Variants in MYH10 observed in about 807,000 individuals in gnomAD.
The protein encoded by MYH10 is myosin heavy chain 10.
A neutral mutation model predicts 257.8 loss-of-function variants in MYH10; 55 were observed. That is an observed-to-expected ratio of 0.21 (90% confidence interval 0.17 to 0.27). MYH10 has a LOEUF of 0.27. MYH10 is among the 10% of genes least tolerant of loss of function. The pLI, the probability that MYH10 is intolerant of heterozygous loss-of-function variation, is 1.00. For synonymous variants in MYH10, 854 were observed against 921.7 expected (o/e 0.93, Z 1.33); for missense variants, 1,631 against 2,500.6 (o/e 0.65, Z 7.42).
intron 36 of MYH10, among the ~76,000 whole-genome samples, chr17:8,486,988 A>C (rs1914922191): frequency 6.6e-6 from 1 of 152,302 alleles, no homozygotes; most frequent in Non-Finnish European, 1.5e-5. Context: ...CCTATAGGTG[A>C]GGGCCCCCTG....
chr17:8,510,399 A>C (rs1160355315), intron 24 of MYH10, among the ~76,000 whole-genome samples: 2 of 152,192 alleles, frequency 1.3e-5, no homozygotes, highest in Non-Finnish European at 2.9e-5. Context: ...GCTAAAGTAC[A>C]AACTGGGTCA....
chr17:8,527,127 C>A (rs765402414), intron 17 of MYH10, among the ~76,000 whole-genome samples: 33 of 152,312 alleles, frequency 2.2e-4, no homozygotes, highest in Non-Finnish European at 4.1e-4. Flanking sequence ...CAGAAACGAT[C>A]TTCACATCAG....
chr17:8,515,798 C>T (rs2081450272), intron 21 of MYH10, among the ~76,000 whole-genome samples: 1 of 152,128 alleles, frequency 6.6e-6, no homozygotes, highest in Non-Finnish European at 1.5e-5. Flanking sequence ...CCCGCCTCGG[C>T]CTCCACAAGT....
At chr17:8,627,766 C>T (rs915308188) in intron 1 of MYH10, among the ~76,000 whole-genome samples, 1 of 152,166 alleles carries the variant, frequency 6.6e-6, no homozygotes, top group African/African-American at 2.4e-5. Context: ...ATACCATTGT[C>T]ATATATCACT....
intron 17 of MYH10, among the ~76,000 whole-genome samples, chr17:8,528,603 C>T (rs2081924442): frequency 6.6e-6 from 1 of 152,132 alleles, no homozygotes; most frequent in African/African-American, 2.4e-5. Flanking sequence ...TACACATGTA[C>T]TTAAGCACAT....
rs531817254 is a variant in MYH10 at position 8,492,396 on chromosome 17, C to G, written c.4572G>C (p.Glu1524Asp). 1.2e-6 allele frequency: 2 copies of G among 1,613,662 alleles called. No individual in the cohort carries two copies. The highest frequency in any genetic ancestry group is 2.2e-5 in the South Asian group (2 of 91,080). Residue 1524 changes from glutamate (E) to aspartate (D), a missense_variant, in exon 34 of 43, where the codon GAG (glutamate) becomes GAC (aspartate). By Grantham distance (45) the Glu-to-Asp change is conservative. Coordinates refer to ENST00000360416, the MANE Select transcript of MYH10 (RefSeq NM_001256012.3). ...TKALSLARAL[E>D]EALEAKEEFE... ...ACTCCTCCTTGGCCTCCAGGGCTTCCTCGAGGGCCCGGGCCAGTGACAGGG... is the reference window on the plus strand; with the variant it reads ...ACTCCTCCTTGGCCTCCAGGGCTTCGTCGAGGGCCCGGGCCAGTGACAGGG...
At chr17:8,617,541 T>C (rs2085314264) in intron 2 of MYH10, among the ~76,000 whole-genome samples, 2 of 152,294 alleles carry the variant, frequency 1.3e-5, no homozygotes, top group Middle Eastern at 6.8e-3. Context: ...TCCAACTAAA[T>C]CAGACATTAT....
rs1555570829 is a variant in MYH10, at chr17:8,489,708, A to AC, written c.4884+631_4884+632insG. Among the ~76,000 whole-genome samples, 156 of 93,146 alleles carry AC rather than the reference A, an allele frequency of 1.7e-3. 7 individuals are homozygous for AC. Among genetic ancestry groups the AC allele is most frequent in the South Asian group, 4.2e-3 (12 of 2,830 alleles). 61.1% of individuals were successfully genotyped at this position (93,146 alleles called of 152,430 possible). ...GACAGAGCGAGACTCCGTCTGAAAA[A>AC]ACACACACACACACACACACACACA... On this transcript the variant is annotated intron_variant, in intron 35 of 42. Coordinates refer to ENST00000360416, the MANE Select transcript of MYH10 (RefSeq NM_001256012.3).
At chr17:8,566,986 G>C (rs1476942880) in intron 7 of MYH10, among the ~76,000 whole-genome samples, 1 of 152,130 alleles carries the variant, frequency 6.6e-6, no homozygotes, top group Non-Finnish European at 1.5e-5. Context: ...GAGGGCTGGG[G>C]GTGGGGGAAA....
Position 8,495,159 on chromosome 17 carries a change from T to G in MYH10, c.4034A>C (p.Glu1345Ala). 1 of 1,611,004 alleles carries G rather than the reference T, an allele frequency of 6.2e-7. No individual in the cohort carries two copies. The highest frequency in any genetic ancestry group is 8.5e-7 in the Non-Finnish European group (1 of 1,177,188). The change falls in exon 31 of 43, where the codon GAG becomes GCG. Residue 1345 changes from glutamate to alanine, a missense_variant. Transcript: ENST00000360416. ...IKFAKDAASLESQLQDTQELL... is the reference protein window; with the variant it reads ...IKFAKDAASLASQLQDTQELL... Reference sequence around the variant, plus strand: ...TACCTGTGTATCCTGTAGTTGAGACTCAAGACTAGCTGCATCCTTAGCAAA... The same window carrying G: ...TACCTGTGTATCCTGTAGTTGAGACGCAAGACTAGCTGCATCCTTAGCAAA...
intron 1 of MYH10, among the ~76,000 whole-genome samples, chr17:8,628,958 A>C (rs2085786388): frequency 6.6e-6 from 1 of 152,228 alleles, no homozygotes; most frequent in African/African-American, 2.4e-5. Context: ...TATATCGCAC[A>C]ATTACACCAT....
At chr17:8,550,797 G>A (rs1279618148) in intron 9 of MYH10, among the ~76,000 whole-genome samples, 4 of 152,014 alleles carry the variant, frequency 2.6e-5, no homozygotes, top group Admixed American at 6.5e-5. Context: ...TCTGTACTAA[G>A]AAAACTTCTT....
rs531183483 is a variant in MYH10 at position 8,548,841 on chromosome 17, A to G, written c.920-54T>C. The G allele has an allele frequency of 6.8e-6, 10 of 1,472,220 alleles. No individual in the cohort carries two copies. The Admixed American group carries it at 6.8e-5, about 10-fold the overall frequency. The allele number at this position is 1,472,220 out of a possible 1,614,324, so 91.2% of individuals were successfully genotyped here. On this transcript the variant is annotated intron_variant, in intron 9 of 42. Transcript: ENST00000360416. ...TGATAAATACTCATGAAGACAACTA[A>G]GCCATAACTGCATTCAAACTGTGCC...
intron 16 of MYH10, among the ~76,000 whole-genome samples, chr17:8,534,699 G>T (rs2082093071): frequency 6.6e-6 from 1 of 152,238 alleles, no homozygotes; most frequent in Non-Finnish European, 1.5e-5. Flanking sequence ...CAGGGCTAAG[G>T]TCCTGCATGG....
chr17:8,539,958 A>C (rs1424630559), intron 14 of MYH10, among the ~76,000 whole-genome samples: 3 of 152,172 alleles, frequency 2.0e-5, no homozygotes, highest in African/African-American at 7.2e-5. Flanking sequence ...AAATAATTAA[A>C]AATGTAAACA....
At chr17:8,566,252 G>T (rs1597845398) in intron 7 of MYH10, among the ~76,000 whole-genome samples, 2 of 152,278 alleles carry the variant, frequency 1.3e-5, no homozygotes, top group African/African-American at 4.8e-5. Flanking sequence ...TCACTGTAAG[G>T]ATTCATAGTA....
intron 4 of MYH10, among the ~76,000 whole-genome samples, chr17:8,584,432 T>G (rs2083821494): frequency 6.6e-6 from 1 of 152,188 alleles, no homozygotes; most frequent in Admixed American, 6.5e-5. Flanking sequence ...CCTTGGGCCT[T>G]TTTTACAAGC....
intron 36 of MYH10, among the ~76,000 whole-genome samples, chr17:8,486,460 C>T (rs1019546851): frequency 2.7e-5 from 4 of 150,380 alleles, no homozygotes; most frequent in African/African-American, 7.4e-5. Context: ...GCCATGACTG[C>T]ACCACCATAC....
At position 8,506,478 on chromosome 17, in the gene MYH10, T is replaced by A; in HGVS notation, c.3226A>T (p.Lys1076Ter). The part of the protein sequence containing the change: ...MISDLEERLK[K>*]EEKTRQELEK... ...AGTTCCTGACGAGTCTTTTCTTCCT[T>A]CTTTAAGCGTTCTTTAAGGTAAGAC... is the stretch of plus-strand genomic sequence containing the variant. The change falls in exon 27 of 43, where the codon AAG becomes TAG. Residue 1076 changes from lysine (K) to a stop codon, truncating the protein, a stop_gained. Coordinates refer to ENST00000360416, the MANE Select transcript of MYH10 (RefSeq NM_001256012.3). LOFTEE classifies it high-confidence loss of function. The surrounding 1 kb of genome is among the most constrained non-coding windows in gnomAD (Gnocchi z 5.0). 6.2e-7 allele frequency: 1 copy of A among 1,611,362 alleles called. No homozygotes were observed. The highest frequency in any genetic ancestry group is 1.1e-5 in the South Asian group (1 of 90,454).
Sources: allele counts gnomAD v4.1 joint callset (sites outside exome capture counted in the v4.1 genomes callset), GRCh38; gene constraint gnomAD v4.1.1; non-coding constraint Gnocchi (gnomAD v3.1); transcripts MANE v1.5; gene names NCBI Gene and HGNC (gene_info 2026-07-23, HGNC 2026-07-21).